The following OCLN variants were observed in gnomAD, a reference collection of about 807,000 sequenced individuals.
OCLN encodes occludin.
Under a neutral mutation model 47.9 loss-of-function variants are expected in OCLN, and 21 were observed. That is an observed-to-expected ratio of 0.44 (90% confidence interval 0.31 to 0.63). OCLN has a LOEUF of 0.63. Ranked by LOEUF, OCLN falls within the 30% of genes least tolerant of loss-of-function variation. The probability of loss-of-function intolerance (pLI) is 0.08; values close to 1 mark genes in which losing one functional copy is unlikely to be tolerated. For synonymous variants in OCLN, 117 were observed against 198.4 expected, an observed-to-expected ratio of 0.59 and a Z score of 3.45; for missense variants, 360 against 571.0, an observed-to-expected ratio of 0.63 and a Z score of 3.77.
At chr5:69,504,693 T>G (rs549727857) in intron 2 of OCLN, among the ~76,000 whole-genome samples, 3 of 152,356 alleles carry the variant, frequency 2.0e-5, no homozygotes, top group Admixed American at 1.3e-4. Flanking sequence ...TCCCAGCACC[T>G]TGGGAGGCCG....
intron 1 of OCLN, among the ~76,000 whole-genome samples, chr5:69,503,024 C>T (rs1768502011): frequency 6.6e-6 from 1 of 152,248 alleles, no homozygotes; most frequent in Admixed American, 6.5e-5. Context: ...TACTTCACAT[C>T]TCTTTCTGAC....
At chr5:69,517,892 A>G (rs1373076859) in intron 4 of OCLN, among the ~76,000 whole-genome samples, 2 of 152,174 alleles carry the variant, frequency 1.3e-5, no homozygotes, top group Admixed American at 6.5e-5. Flanking sequence ...GGACAGGTCT[A>G]TATTATGAGC....
rs965096524 is a variant in OCLN, at chr5:69,547,622, T to C, written c.1254-308T>C. Among the ~76,000 whole-genome samples, 6 of 132,014 alleles carry C rather than the reference T, an allele frequency of 4.5e-5. No homozygotes were observed. The South Asian group carries it at 9.5e-4, about 21-fold the overall frequency. The allele number at this position is 132,014 out of a possible 152,430, so 86.6% of individuals were successfully genotyped here. A position where few individuals can be genotyped will look rare whatever the true frequency, so the allele number is the denominator to read the frequency against. ...CTTTATAAACATAAGTAGTCCATTATTGATATTGTGTATGGGAAATAAGTG... is the reference window on the plus strand; with the variant it reads ...CTTTATAAACATAAGTAGTCCATTACTGATATTGTGTATGGGAAATAAGTG... On this transcript the variant is annotated intron_variant, in intron 6 of 8. Transcript: ENST00000396442.
chr5:69,520,334 T>G (rs1214041987), intron 4 of OCLN, among the ~76,000 whole-genome samples: 3 of 148,146 alleles, frequency 2.0e-5, no homozygotes, highest in Non-Finnish European at 4.5e-5. Flanking sequence ...GGAGTCTTGC[T>G]CTGTTGCCCA....
Position 69,494,729 on chromosome 5 carries a change from G to A in OCLN, c.-69+1829G>A, listed in dbSNP as rs78821152. Among the ~76,000 whole-genome samples the A allele has an allele frequency of 7.2e-3, 1,103 of 152,328 alleles. 43 individuals carry two copies. Among genetic ancestry groups the A allele is most frequent in the Admixed American group, 0.053 (815 of 15,300 alleles). On this transcript the variant is annotated intron_variant, in intron 1 of 8. Transcript: ENST00000396442. ...TAGTGGGCAGCAGTGCCTCCTGCAC[G>A]TGAGGCACTGTGGTAAAAGCATTCT... is the stretch of plus-strand genomic sequence containing the variant.
At chr5:69,535,722 C>G (rs955797258) in intron 5 of OCLN, among the ~76,000 whole-genome samples, 2 of 143,348 alleles carry the variant, frequency 1.4e-5, no homozygotes, top group African/African-American at 5.3e-5. Context: ...TGCTTTTACG[C>G]TACAAATGCA....
At position 69,509,388 on chromosome 5, in the gene OCLN, GGTAGT is replaced by G; in HGVS notation, c.303_307del (p.Ser101ArgfsTer11). 1 of 1,614,212 alleles carries G rather than the reference GGTAGT, an allele frequency of 6.2e-7. No homozygotes were observed. Among genetic ancestry groups the G allele is most frequent in the South Asian group, 1.1e-5 (1 of 91,080 alleles). On this transcript the variant is annotated frameshift_variant, in exon 3 of 9. Coordinates refer to ENST00000396442, the MANE Select transcript of OCLN (RefSeq NM_001205254.2). LOFTEE classifies it high-confidence loss of function. ...AGGCTATGGAACTTCCCTTTTAGGA[GGTAGT>G]GTAGGCTACCCTTATGGAGGAAGTG...
At chr5:69,494,626 G>C (rs1455662598) in intron 1 of OCLN, among the ~76,000 whole-genome samples, 1 of 152,198 alleles carries the variant, frequency 6.6e-6, no homozygotes, top group Non-Finnish European at 1.5e-5. Flanking sequence ...TCCTTTGTTA[G>C]GTGACGGAGC....
chr5:69,504,553 T>G (rs1476411819), intron 2 of OCLN, among the ~76,000 whole-genome samples: 1 of 152,250 alleles, frequency 6.6e-6, no homozygotes, highest in East Asian at 1.9e-4. Context: ...TATTTGTATG[T>G]TCCTTTTTGT....
chr5:69,495,608 T>C (rs920716475), intron 1 of OCLN, among the ~76,000 whole-genome samples: 2 of 152,206 alleles, frequency 1.3e-5, no homozygotes, highest in African/African-American at 2.4e-5. Context: ...TGAGTACTCA[T>C]TGACAATCAC....
intron 4 of OCLN, among the ~76,000 whole-genome samples, chr5:69,516,920 C>T (rs1455680778): frequency 6.6e-6 from 1 of 151,960 alleles, no homozygotes; most frequent in Non-Finnish European, 1.5e-5. Context: ...ATTAGCTGGG[C>T]ATGATGATGT....
Position 69,553,739 on chromosome 5 carries a change from T to G in OCLN, c.*68T>G. On this transcript the variant is annotated 3_prime_UTR_variant, in exon 9 of 9. Coordinates refer to ENST00000396442, the MANE Select transcript of OCLN (RefSeq NM_001205254.2). The stretch of plus-strand genomic sequence containing the variant: ...CTCTGCAATCTTCTCAGAAGGCAAA[T>G]GACTTTGGACCATAACCCCGGAAGC... 2.5e-6 allele frequency: 4 copies of G among 1,597,994 alleles called. No individual in the cohort carries two copies. In the South Asian group the frequency reaches 4.4e-5, roughly 18 times the overall value.
In OCLN at chr5:69,553,687, T is replaced by G. The variant is rs1221461220; in HGVS notation, c.*16T>G. 1 of 1,606,966 alleles carries G rather than the reference T, an allele frequency of 6.2e-7. No homozygotes were observed. Among genetic ancestry groups the G allele is most frequent in the Admixed American group, 1.7e-5 (1 of 59,722 alleles). The stretch of plus-strand genomic sequence containing the variant: ...GAAAACATAGAAGGCTGATGCCAAG[T>G]TGTTTGAGAAATTAAGTATCTGACA... On this transcript the variant is annotated 3_prime_UTR_variant, in exon 9 of 9. Transcript: ENST00000396442.
intron 4 of OCLN, among the ~76,000 whole-genome samples, chr5:69,521,084 G>A (rs1473641827): frequency 4.0e-5 from 6 of 151,692 alleles, no homozygotes; most frequent in Non-Finnish European, 1.5e-5. Context: ...CGATCCACCC[G>A]CGTCGGCCTC....
intron 4 of OCLN, among the ~76,000 whole-genome samples, chr5:69,520,403 C>A (rs1177793749): frequency 6.8e-6 from 1 of 148,034 alleles, no homozygotes; most frequent in Non-Finnish European, 1.5e-5. Flanking sequence ...TGGGTTCAAG[C>A]GATTCTCCTG....
rs1768195884 is a variant in OCLN, at chr5:69,493,338, G to C, written c.-69+438G>C. Among the ~76,000 whole-genome samples, 1 of 152,040 alleles carries C rather than the reference G, an allele frequency of 6.6e-6. No individual in the cohort carries two copies. Among genetic ancestry groups the C allele is most frequent in the Admixed American group, 6.5e-5 (1 of 15,274 alleles). On this transcript the variant is annotated intron_variant, in intron 1 of 8. Coordinates refer to ENST00000396442, the MANE Select transcript of OCLN (RefSeq NM_001205254.2). This position sits in a 1 kb window ranked among gnomAD's most constrained non-coding sequence, Gnocchi z 5.3. ...GTCCTAAGCCTGAGGCTGCAGCGAG[G>C]CGGCTGTTCGGCGGCCCGGGCGGCT...
chr5:69,553,744 T>C lies in OCLN; in HGVS notation c.*73T>C. ...CAATCTTCTCAGAAGGCAAATGACT[T>C]TGGACCATAACCCCGGAAGCCAAAC... On this transcript the variant is annotated 3_prime_UTR_variant, in exon 9 of 9. Transcript: ENST00000396442. The C allele has an allele frequency of 6.3e-7, 1 of 1,595,946 alleles. No homozygotes were observed. Among genetic ancestry groups the C allele is most frequent in the Non-Finnish European group, 8.6e-7 (1 of 1,165,936 alleles).
At chr5:69,494,459 T>A (rs905342310) in intron 1 of OCLN, among the ~76,000 whole-genome samples, 5 of 152,258 alleles carry the variant, frequency 3.3e-5, no homozygotes, top group African/African-American at 1.2e-4. Context: ...GTGCTGGGAT[T>A]ACAGGCGTAA....
At chr5:69,524,196 CTTAG>C (rs1769217609) in intron 4 of OCLN, among the ~76,000 whole-genome samples, 1 of 152,162 alleles carries the variant, frequency 6.6e-6, no homozygotes, top group Non-Finnish European at 1.5e-5. Context: ...TAATTCAATT[CTTAG>C]TTTATGACAT....
Sources: allele counts gnomAD v4.1 joint callset (sites outside exome capture counted in the v4.1 genomes callset), GRCh38; gene constraint gnomAD v4.1.1; non-coding constraint Gnocchi (gnomAD v3.1); transcripts MANE v1.5; gene names NCBI Gene and HGNC (gene_info 2026-07-23, HGNC 2026-07-21).